Variants in MAPK8 observed in about 807,000 individuals in gnomAD.
MAPK8 encodes the protein JUN N-terminal kinase.
In MAPK8, 13 loss-of-function variants were observed where a neutral mutation model predicts 52.9. The observed-to-expected ratio is 0.25, with a 90% confidence interval of 0.16 to 0.39. The LOEUF is 0.39. Among genes scored for constraint, MAPK8 ranks in the 10% least tolerant of loss-of-function variants. The probability of loss-of-function intolerance (pLI) is 1.00; values close to 1 mark genes in which losing one functional copy is unlikely to be tolerated. For synonymous variants in MAPK8, 191 were observed against 169.8 expected (o/e 1.12, Z -0.97); for missense variants, 300 against 519.2 (o/e 0.58, Z 4.10).
rs991318968 is a variant in MAPK8 at position 48,436,403 on chromosome 10, C to G, written c.*1374C>G. ...TTATTTCTCTATTACTGAACTTTTC[C>G]TAAGTAAAATGTCTTTGAAGTCTCG... On this transcript the variant is annotated 3_prime_UTR_variant, in exon 12 of 12. Coordinates refer to ENST00000374189, the MANE Select transcript of MAPK8 (RefSeq NM_001323329.2). 2.0e-5 allele frequency: 3 copies of G among 152,140 alleles called. No homozygotes were observed. Among genetic ancestry groups the G allele is most frequent in the African/African-American group, 7.2e-5 (3 of 41,420 alleles). 9.4% of individuals were successfully genotyped at this position (152,140 alleles called of 1,614,324 possible).
chr10:48,358,008 G>A (rs917703201), intron 1 of MAPK8, among the ~76,000 whole-genome samples: 3 of 152,138 alleles, frequency 2.0e-5, no homozygotes, highest in Admixed American at 6.5e-5. Context: ...CATCCATATT[G>A]TAGCAGGTAT....
At chr10:48,315,823 C>T (rs891526173) in intron 1 of MAPK8, among the ~76,000 whole-genome samples, 2 of 151,718 alleles carry the variant, frequency 1.3e-5, no homozygotes, top group African/African-American at 4.8e-5. Context: ...TACCTCCTCC[C>T]TCCCCCAACT....
chr10:48,367,398 TAA>T, intron 1 of MAPK8, among the ~76,000 whole-genome samples: 1 of 150,780 alleles, frequency 6.6e-6, no homozygotes, highest in African/African-American at 2.4e-5. Context: ...AATAAATAAA[TAA>T]ATACATATAT....
At chr10:48,319,551 G>A (rs562993236) in intron 1 of MAPK8, among the ~76,000 whole-genome samples, 28 of 151,936 alleles carry the variant, frequency 1.8e-4, no homozygotes, top group South Asian at 4.2e-4. Context: ...GTGCAGTGGC[G>A]TGATCCCGGC....
chr10:48,434,897 C>T lies in MAPK8; in HGVS notation c.1152C>T (p.Ile384=), dbSNP rs2044726922. 1 of 1,613,366 alleles carries T rather than the reference C, an allele frequency of 6.2e-7. No individual in the cohort carries two copies. The highest frequency in any genetic ancestry group is 1.1e-5 in the South Asian group (1 of 90,990). ...CTCATAGCACAGGTGCAGCAGTGAT[C>T]AATGGCTCTCAGCATCCATCATCAT... ...GQPSPLGAAV[I]NGSQHPSSSS... The change falls in exon 12 of 12, where the codon ATC becomes ATT. Residue 384 remains isoleucine (I), a synonymous_variant. Transcript: ENST00000374189.
chr10:48,318,428 AAG>A (rs1334901127), intron 1 of MAPK8, among the ~76,000 whole-genome samples: 1 of 152,168 alleles, frequency 6.6e-6, no homozygotes. Context: ...AAAAGAAGGA[AAG>A]GGGGACAAGG....
chr10:48,324,502 A>ATTTTTTTTTTTTTTTTT (rs1554810394), intron 1 of MAPK8, among the ~76,000 whole-genome samples: 1 of 54,356 alleles, frequency 1.8e-5, no homozygotes, highest in Non-Finnish European at 3.0e-5. Context: ...CCTGTTTTCT[A>ATTTTTTTTTTTTTTTTT]GTTTTTTTTT....
intron 1 of MAPK8, among the ~76,000 whole-genome samples, chr10:48,347,035 T>TC (rs746938494): frequency 6.6e-4 from 101 of 152,202 alleles, no homozygotes; most frequent in Non-Finnish European, 1.2e-3. Context: ...GTGGTAGTGG[T>TC]CCCCCGGGCC....
At chr10:48,320,645 A>G (rs1564476116) in intron 1 of MAPK8, among the ~76,000 whole-genome samples, 5 of 152,182 alleles carry the variant, frequency 3.3e-5, no homozygotes, top group East Asian at 1.9e-4. Flanking sequence ...CTTTTTGGCT[A>G]TAGTAAGTAA....
At chr10:48,386,141 T>A (rs1018482616) in intron 1 of MAPK8, among the ~76,000 whole-genome samples, 2 of 152,174 alleles carry the variant, frequency 1.3e-5, no homozygotes, top group Non-Finnish European at 2.9e-5. Context: ...TGATCAGCAT[T>A]TTCTTTTATG....
chr10:48,319,969 T>G (rs1357913275), intron 1 of MAPK8, among the ~76,000 whole-genome samples: 2 of 151,970 alleles, frequency 1.3e-5, no homozygotes, highest in Non-Finnish European at 2.9e-5. Flanking sequence ...CAGGCTGGAG[T>G]GCAATGGCGT....
At chr10:48,346,948 C>T (rs1845844188) in intron 1 of MAPK8, among the ~76,000 whole-genome samples, 1 of 152,156 alleles carries the variant, frequency 6.6e-6, no homozygotes, top group African/African-American at 2.4e-5. Context: ...CATTCTTTAC[C>T]CTGCCCCTTC....
In MAPK8 at chr10:48,436,061, A is replaced by G. The variant is rs568793179; in HGVS notation, c.*1032A>G. 2.0e-5 allele frequency: 3 copies of G among 152,200 alleles called. No individual in the cohort carries two copies. The highest frequency in any genetic ancestry group is 2.1e-4 in the South Asian group (1 of 4,820). 9.4% of individuals were successfully genotyped at this position (152,200 alleles called of 1,614,324 possible). ...TTGTTCTGGTGTTTCATTTGATTCT[A>G]CTTGTAGCATAATCATTTATACGAG... On this transcript the variant is annotated 3_prime_UTR_variant, in exon 12 of 12. Transcript: ENST00000374189.
At chr10:48,337,974 A>G (rs1052712292) in intron 1 of MAPK8, among the ~76,000 whole-genome samples, 1 of 152,152 alleles carries the variant, frequency 6.6e-6, no homozygotes, top group Non-Finnish European at 1.5e-5. Flanking sequence ...AACCACAAAA[A>G]GCCCTGAACC....
intron 9 of MAPK8, 115 bp downstream of exon 9, chr10:48,426,619 T>C: frequency 1.1e-6 from 1 of 936,986 alleles, no homozygotes; most frequent in Non-Finnish European, 1.6e-6. Flanking sequence ...ATGATGATGA[T>C]GTTTTTCTGT....
At chr10:48,307,467 C>T (rs556066250) in intron 1 of MAPK8, among the ~76,000 whole-genome samples, 3 of 152,104 alleles carry the variant, frequency 2.0e-5, no homozygotes, top group African/African-American at 4.8e-5. Context: ...CGGTGGTCAG[C>T]GCGCATTTCT....
At chr10:48,404,401 C>T (rs964726911) in intron 2 of MAPK8, among the ~76,000 whole-genome samples, 1 of 151,952 alleles carries the variant, frequency 6.6e-6, no homozygotes, top group African/African-American at 2.4e-5. Flanking sequence ...CATGATCCAC[C>T]CACCTTGACC....
chr10:48,330,463 A>G (rs1313552352), intron 1 of MAPK8, among the ~76,000 whole-genome samples: 1 of 152,222 alleles, frequency 6.6e-6, no homozygotes, highest in African/African-American at 2.4e-5. Flanking sequence ...ACTGTATAGA[A>G]GCAAATGAGA....
chr10:48,396,149 G>A (rs2041876229), intron 1 of MAPK8, among the ~76,000 whole-genome samples: 1 of 152,034 alleles, frequency 6.6e-6, no homozygotes, highest in Non-Finnish European at 1.5e-5. Context: ...ACACTGTTAA[G>A]AGCATAAAAA....
Sources: gnomAD v4.1 joint callset for allele counts (sites outside exome capture counted in the v4.1 genomes callset) on GRCh38, gnomAD v4.1.1 for gene constraint, MANE v1.5 for transcripts, NCBI Gene and HGNC (gene_info 2026-07-23, HGNC 2026-07-21) for gene names.